Variants in SYMPK observed in about 807,000 individuals in gnomAD.
SYMPK encodes symplekin.
In SYMPK, 49 loss-of-function variants were observed where a neutral mutation model predicts 136.4. The ratio of observed to expected loss-of-function variants is 0.36; its 90% CI spans 0.29 to 0.46. The LOEUF is 0.46. SYMPK is among the 20% of genes least tolerant of loss of function. SYMPK has a pLI of 1.00. For missense variants in SYMPK, 1,365 were observed against 1,690.0 expected, an observed-to-expected ratio of 0.81 and a Z score of 3.37; for synonymous variants, 766 against 713.0, an observed-to-expected ratio of 1.07 and a Z score of -1.19.
chr19:45,817,417 C>CTTTTTTTTTTTTTTTTTTTTTT (rs559430104), intron 23 of SYMPK, among the ~76,000 whole-genome samples: 2 of 108,478 alleles, frequency 1.8e-5, no homozygotes, highest in African/African-American at 7.1e-5. Context: ...TTTTTGTTCT[C>CTTTTTTTTTTTTTTTTTTTTTT]TTTTTTTTTT....
At chr19:45,850,934 A>AC (rs1555796736) in intron 5 of SYMPK, among the ~76,000 whole-genome samples, 1 of 151,710 alleles carries the variant, frequency 6.6e-6, no homozygotes, top group East Asian at 1.9e-4. Flanking sequence ...GAGGGAAGGG[A>AC]GGGGAGAGCC....
chr19:45,826,818 G>A (rs912316767), intron 16 of SYMPK, among the ~76,000 whole-genome samples: 48 of 152,352 alleles, frequency 3.2e-4, no homozygotes, highest in African/African-American at 1.1e-3. Context: ...CCAGGGCCAG[G>A]GGTGTGAGAT....
At chr19:45,834,516 GCTCAT>G (rs374769511) in intron 11 of SYMPK, among the ~76,000 whole-genome samples, 21,581 of 151,412 alleles carry the variant, frequency 0.14, 1,611 homozygotes, top group South Asian at 0.18. Flanking sequence ...GCTATGTTTA[GCTCAT>G]TATGAGCTAA....
chr19:45,839,723 T>A (rs1377890875), intron 9 of SYMPK, among the ~76,000 whole-genome samples: 1 of 152,058 alleles, frequency 6.6e-6, no homozygotes, highest in African/African-American at 2.4e-5. Flanking sequence ...TCCCAGCTAC[T>A]CGGGAGGCTG....
At chr19:45,820,771 CTGAG>C (rs1464362678) in intron 22 of SYMPK, 1 of 225,414 alleles carries the variant, frequency 4.4e-6, no homozygotes, top group Non-Finnish European at 8.6e-6. Flanking sequence ...CTGCTTGGCC[CTGAG>C]TAAGTCACCT....
chr19:45,838,458 C>T lies in SYMPK; in HGVS notation c.1242+3G>A. The T allele has an allele frequency of 5.0e-6, 8 of 1,612,704 alleles. No homozygotes were observed. Among genetic ancestry groups the T allele is most frequent in the Non-Finnish European group, 6.8e-6 (8 of 1,179,004 alleles). ...GGGGAAAACGCTCCCCACCCATCCT[C>T]ACCAGATTAGCCACATTATCAGGCG... On this transcript the variant is annotated splice_donor_region_variant and intron_variant, in intron 10 of 26. Transcript: ENST00000245934.
chr19:45,846,190 A>C (rs1220542044), intron 7 of SYMPK, among the ~76,000 whole-genome samples: 2 of 152,234 alleles, frequency 1.3e-5, no homozygotes, highest in Non-Finnish European at 2.9e-5. Context: ...GAGCCGAGAT[A>C]GCGCTACTGC....
intron 8 of SYMPK, among the ~76,000 whole-genome samples, chr19:45,843,235 G>A (rs1331002121): frequency 1.3e-5 from 2 of 152,072 alleles, no homozygotes; most frequent in East Asian, 3.9e-4. Flanking sequence ...ACTATGGGGG[G>A]CCATCTTTGC....
At chr19:45,859,754 AAAG>A (rs1333841657) in intron 1 of SYMPK, among the ~76,000 whole-genome samples, 1 of 151,932 alleles carries the variant, frequency 6.6e-6, no homozygotes. Flanking sequence ...AAAAACTAAA[AAAG>A]AAGGCCAGGT....
At chr19:45,829,379 G>A (rs954450075) in intron 13 of SYMPK, among the ~76,000 whole-genome samples, 174 bp from the exon 14 acceptor site, 1 of 152,100 alleles carries the variant, frequency 6.6e-6, no homozygotes, top group Non-Finnish European at 1.5e-5. Flanking sequence ...TTGTGTGTTG[G>A]GGGGTGGGGG....
chr19:45,854,128 C>A, intron 3 of SYMPK, 47 bp downstream of exon 3: 3 of 1,587,272 alleles, frequency 1.9e-6, no homozygotes, highest in Non-Finnish European at 1.7e-6. Flanking sequence ...GGTTCCCAGC[C>A]TCCTCCCTTT....
rs776175576 is a variant in SYMPK, at chr19:45,838,415, T to A, written c.1242+46A>T. 1.9e-6 allele frequency: 3 copies of A among 1,582,292 alleles called. No individual in the cohort carries two copies. In the South Asian group the frequency reaches 3.4e-5, roughly 18 times the overall value. On this transcript the variant is annotated intron_variant, in intron 10 of 26. Transcript: ENST00000245934. ...GGAGGCAGGTGAAAGACCGAGGAGA[T>A]CCTTCCTTCCTGCCCAGGGGGAAAA...
Position 45,863,116 on chromosome 19 carries a change from G to C in SYMPK, c.-71C>G, listed in dbSNP as rs1600544349. 6.3e-6 allele frequency: 2 copies of C among 318,804 alleles called. No homozygotes were observed. The highest frequency in any genetic ancestry group is 3.0e-4 in the South Asian group (2 of 6,642). 19.7% of individuals were successfully genotyped at this position (318,804 alleles called of 1,614,324 possible). ...TCAGCAGTGCCTCTTCCTACACTCC[G>C]CCGCCGCCGCCGCCGCCATCTTCCG... is the stretch of plus-strand genomic sequence containing the variant. On this transcript the variant is annotated 5_prime_UTR_variant, in exon 1 of 27. Transcript: ENST00000245934.
At chr19:45,830,515 C>A (rs1405977210) in intron 12 of SYMPK, 2 of 328,532 alleles carry the variant, frequency 6.1e-6, no homozygotes, top group Non-Finnish European at 1.2e-5. Context: ...TAGGTGGGAA[C>A]AGACTTGTGG....
intron 8 of SYMPK, 197 bp from the exon 9 acceptor site, chr19:45,842,686 C>G (rs559855348): frequency 3.1e-6 from 2 of 654,058 alleles, no homozygotes; most frequent in Non-Finnish European, 5.1e-6. Flanking sequence ...CAGTATCAGT[C>G]AATCTTAAAG....
At chr19:45,855,561 CTA>C (rs772179355) in intron 1 of SYMPK, 1 of 151,822 alleles carries the variant, frequency 6.6e-6, no homozygotes, top group Admixed American at 6.6e-5. Flanking sequence ...AGGAAAAAGA[CTA>C]TGGAACTGTA....
chr19:45,851,305 G>A (rs937700052), intron 5 of SYMPK, among the ~76,000 whole-genome samples: 2 of 152,186 alleles, frequency 1.3e-5, no homozygotes, highest in Non-Finnish European at 2.9e-5. Context: ...GCTGGGCGTC[G>A]TGGCTCATGC....
chr19:45,846,438 C>T (rs1319831829), intron 7 of SYMPK, among the ~76,000 whole-genome samples: 1 of 152,138 alleles, frequency 6.6e-6, no homozygotes, highest in Non-Finnish European at 1.5e-5. Context: ...CTATTCCAGC[C>T]ATATTAATAC....
At position 45,852,379 on chromosome 19, in the gene SYMPK, T is replaced by G; in HGVS notation, c.232A>C (p.Ile78Leu). The G allele has an allele frequency of 6.2e-7, 1 of 1,614,224 alleles. No homozygotes were observed. Among genetic ancestry groups the G allele is most frequent in the Non-Finnish European group, 8.5e-7 (1 of 1,180,046 alleles). The change falls in exon 5 of 27, where the codon ATC becomes CTC. Residue 78 changes from isoleucine to leucine, a missense_variant. Transcript: ENST00000245934. ...TLLDNFLDEIIAFQADKSIEV... is the reference protein window; with the variant it reads ...TLLDNFLDEILAFQADKSIEV... ...ATTGACTTGTCTGCTTGGAATGCGA[T>G]GATCTCCTGCCAATGTTAGAGAGAA... is the stretch of plus-strand genomic sequence containing the variant.
Sources: allele counts gnomAD v4.1 joint callset (sites outside exome capture counted in the v4.1 genomes callset), GRCh38; gene constraint gnomAD v4.1.1; transcripts MANE v1.5; gene names NCBI Gene and HGNC (gene_info 2026-07-23, HGNC 2026-07-21).